Variants in PHF14 observed in about 807,000 individuals in gnomAD.
PHF14 encodes the protein PHD finger protein 14.
In PHF14, 55 loss-of-function variants were observed where a neutral mutation model predicts 117.9. The observed-to-expected ratio is 0.47, with a 90% CI of 0.38 to 0.58. The LOEUF (loss-of-function observed/expected upper bound fraction) is 0.58, where lower values mean the gene tolerates loss of function less well. PHF14 is among the 20% of genes least tolerant of loss of function. The pLI, the probability that PHF14 is intolerant of heterozygous loss-of-function variation, is 0.00. For missense variants in PHF14, 978 were observed against 1,122.2 expected, an observed-to-expected ratio of 0.87 and a Z score of 1.84; for synonymous variants, 409 against 368.6, an observed-to-expected ratio of 1.11 and a Z score of -1.26.
intron 17 of PHF14, among the ~76,000 whole-genome samples, chr7:11,131,669 A>C (rs1000070129): frequency 5.9e-5 from 9 of 151,494 alleles, no homozygotes; most frequent in Non-Finnish European, 8.9e-5. Flanking sequence ...TCTCTTATGG[A>C]TTATATTTTT....
At chr7:11,062,791 G>GT in intron 16 of PHF14, 2 of 985,272 alleles carry the variant, frequency 2.0e-6, no homozygotes, top group Non-Finnish European at 2.4e-6. Flanking sequence ...ATGGGGGAGT[G>GT]AGTGTGTGAA....
intron 17 of PHF14, among the ~76,000 whole-genome samples, chr7:11,114,511 A>G (rs1787539263): frequency 6.6e-6 from 1 of 152,120 alleles, no homozygotes; most frequent in African/African-American, 2.4e-5. Flanking sequence ...GTTTTAGCAC[A>G]TGAAAGCGGA....
chr7:11,061,783 T>G lies in PHF14; in HGVS notation c.2482-8T>G. On this transcript the variant is annotated splice_region_variant and splice_polypyrimidine_tract_variant and intron_variant, in intron 14 of 17. Transcript: ENST00000634607. ...TTGTTTTTTGTTTTTTTTTTTGTTTTTTTCCAGAGAACCAGAGGACGAAAA... is the reference window on the plus strand; with the variant it reads ...TTGTTTTTTGTTTTTTTTTTTGTTTGTTTCCAGAGAACCAGAGGACGAAAA... 1 of 1,498,136 alleles carries G rather than the reference T, an allele frequency of 6.7e-7. No individual in the cohort carries two copies. Among genetic ancestry groups the G allele is most frequent in the Non-Finnish European group, 8.9e-7 (1 of 1,128,376 alleles). The allele number at this position is 1,498,136 out of a possible 1,614,324, so 92.8% of individuals were successfully genotyped here.
intron 3 of PHF14, among the ~76,000 whole-genome samples, chr7:10,989,651 G>A (rs973492641): frequency 6.6e-6 from 1 of 151,966 alleles, no homozygotes; most frequent in African/African-American, 2.4e-5. Flanking sequence ...TTCTTTTTGA[G>A]ACAGGGTCTT....
At chr7:11,047,186 A>G (rs1784695465) in intron 13 of PHF14, among the ~76,000 whole-genome samples, 1 of 151,856 alleles carries the variant, frequency 6.6e-6, no homozygotes, top group Non-Finnish European at 1.5e-5. Context: ...CTCCTGCCTC[A>G]GCCTCCCGAG....
chr7:11,027,046 A>C (rs74703437), intron 6 of PHF14, among the ~76,000 whole-genome samples: 140 of 152,186 alleles, frequency 9.2e-4, no homozygotes, highest in African/African-American at 3.2e-3. Flanking sequence ...ATTGAGGAAG[A>C]TTCTGTTTTC....
intron 17 of PHF14, among the ~76,000 whole-genome samples, chr7:11,151,935 C>G (rs1315417124): frequency 6.6e-6 from 1 of 152,068 alleles, no homozygotes; most frequent in African/African-American, 2.4e-5. Context: ...TACATTTTTC[C>G]TCTTCTATTT....
At chr7:11,012,783 A>G (rs1253284363) in intron 4 of PHF14, among the ~76,000 whole-genome samples, 1 of 152,208 alleles carries the variant, frequency 6.6e-6, no homozygotes, top group Admixed American at 6.5e-5. Context: ...TATTGTTTTC[A>G]TCCATTTCAG....
chr7:11,162,429 G>T (rs1789073882), intron 17 of PHF14, among the ~76,000 whole-genome samples: 1 of 151,986 alleles, frequency 6.6e-6, no homozygotes, highest in Non-Finnish European at 1.5e-5. Flanking sequence ...TATAAAAGTT[G>T]TAGCTTTTCA....
intron 17 of PHF14, among the ~76,000 whole-genome samples, chr7:11,151,604 T>G (rs985321002): frequency 2.0e-5 from 3 of 152,128 alleles, no homozygotes; most frequent in Non-Finnish European, 4.4e-5. Context: ...TGTTCTTAAC[T>G]GTAGCATTGT....
At chr7:11,049,910 A>G (rs1784796396) in intron 13 of PHF14, among the ~76,000 whole-genome samples, 1 of 152,226 alleles carries the variant, frequency 6.6e-6, no homozygotes, top group South Asian at 2.1e-4. Flanking sequence ...GAAGTGTAGC[A>G]ATAGATACAT....
intron 17 of PHF14, among the ~76,000 whole-genome samples, chr7:11,149,730 T>C (rs1382656143): frequency 6.6e-6 from 1 of 152,162 alleles, no homozygotes; most frequent in Non-Finnish European, 1.5e-5. Context: ...GTTTTATTTT[T>C]TGTTATCTAC....
rs546464851 is a variant in PHF14 at position 11,008,139 on chromosome 7, A to G, written c.1046-5608A>G. Among the ~76,000 whole-genome samples, 3 of 152,308 alleles carry G rather than the reference A, an allele frequency of 2.0e-5. No homozygotes were observed. The East Asian group carries it at 5.8e-4, about 29-fold the overall frequency. ...AGTGTACTTACCAGCAGTTGCCCTC[A>G]GGTTTAGTTGCTATTCATTAAATGA... On this transcript the variant is annotated intron_variant, in intron 4 of 17. Coordinates refer to ENST00000634607, the MANE Select transcript of PHF14 (RefSeq NM_001007157.2).
intron 17 of PHF14, among the ~76,000 whole-genome samples, chr7:11,164,532 C>T (rs955456565): frequency 1.3e-5 from 2 of 152,120 alleles, no homozygotes; most frequent in Non-Finnish European, 2.9e-5. Context: ...CATTTGTTTT[C>T]TTATAAAATC....
chr7:10,989,393 G>A (rs921950391), intron 3 of PHF14, among the ~76,000 whole-genome samples: 1 of 151,976 alleles, frequency 6.6e-6, no homozygotes, highest in African/African-American at 2.4e-5. Flanking sequence ...ATTGTGTATT[G>A]TATGAAACTA....
chr7:11,094,038 C>G (rs1341892193), intron 16 of PHF14, among the ~76,000 whole-genome samples: 2 of 151,944 alleles, frequency 1.3e-5, no homozygotes, highest in Non-Finnish European at 2.9e-5. Context: ...GCTTTCATTC[C>G]TTAAAGGAGA....
rs1468254203 is a variant in PHF14 at position 10,974,783 on chromosome 7, C to T, written c.2-52C>T. ...ATGTTCTCTTAGCACCACAACTCTC[C>T]CCTGTGTTTGGTGTGATTATGAATG... On this transcript the variant is annotated intron_variant, in intron 1 of 17. Transcript: ENST00000634607. 5.6e-5 allele frequency: 51 copies of T among 905,174 alleles called. 1 individual carries two copies. The highest frequency in any genetic ancestry group is 2.1e-4 in the Middle Eastern group (1 of 4,672). 56.1% of individuals were successfully genotyped at this position (905,174 alleles called of 1,614,324 possible). A position where few individuals can be genotyped will look rare whatever the true frequency, so the allele number is the denominator to read the frequency against.
At chr7:11,033,446 G>A (rs1324638972) in intron 7 of PHF14, among the ~76,000 whole-genome samples, 1 of 152,114 alleles carries the variant, frequency 6.6e-6, no homozygotes, top group Non-Finnish European at 1.5e-5. Flanking sequence ...TTAAGAGTAG[G>A]CAGCTTCCTT....
At chr7:11,012,638 C>T (rs1203261104) in intron 4 of PHF14, among the ~76,000 whole-genome samples, 2 of 152,106 alleles carry the variant, frequency 1.3e-5, no homozygotes, top group African/African-American at 4.8e-5. Context: ...AGAGCATTGC[C>T]AAGTTATCTT....
Sources: allele counts gnomAD v4.1 joint callset (sites outside exome capture counted in the v4.1 genomes callset), GRCh38; gene constraint gnomAD v4.1.1; transcripts MANE v1.5; gene names NCBI Gene and HGNC (gene_info 2026-07-23, HGNC 2026-07-21).